The following PCBP3 variants were observed in gnomAD, a reference collection of about 807,000 sequenced individuals.
The protein encoded by PCBP3 is poly(rC)-binding protein 3.
Under a neutral mutation model 52.7 loss-of-function variants are expected in PCBP3, and 25 were observed. That is an observed-to-expected ratio of 0.47 (90% CI 0.35 to 0.66). The LOEUF is 0.66. Ranked by LOEUF, PCBP3 falls within the 30% of genes least tolerant of loss-of-function variation. The pLI, the probability that PCBP3 is intolerant of heterozygous loss-of-function variation, is 0.01. For synonymous variants in PCBP3, 162 were observed against 183.0 expected (o/e 0.89, Z 0.93); for missense variants, 391 against 490.3 (o/e 0.80, Z 1.91).
chr21:45,787,552 T>A (rs1325946370), intron 4 of PCBP3, among the ~76,000 whole-genome samples: 2 of 152,202 alleles, frequency 1.3e-5, no homozygotes, highest in African/African-American at 4.8e-5. Context: ...CCGCTGTGCC[T>A]GGCCTCATCC....
At chr21:45,901,740 C>CAGAGAGAGACAGAGAGATGAGAGAGAGAG (rs1569474803) in intron 9 of PCBP3, 3 of 78,230 alleles carry the variant, frequency 3.8e-5, no homozygotes, top group African/African-American at 2.1e-4. Flanking sequence ...GAGAGAGAGA[C>CAGAGAGAGACAGAGAGATGAGAGAGAGAG]AGAAAGAGAG....
intron 2 of PCBP3, among the ~76,000 whole-genome samples, chr21:45,729,628 T>C (rs1389759174): frequency 6.6e-6 from 1 of 152,218 alleles, no homozygotes; most frequent in Non-Finnish European, 1.5e-5. Flanking sequence ...CCTAATTGTC[T>C]TCATAATATC....
rs149132039 is a variant in PCBP3 at position 45,885,243 on chromosome 21, G to A, written c.11-10965G>A. On this transcript the variant is annotated intron_variant, in intron 5 of 17. Transcript: ENST00000681687. ...CGTCCTCCTGGCCTCCGTGCTTCTC[G>A]CCTGAAATCCACGCCATCCATTGTC... is the stretch of plus-strand genomic sequence containing the variant. Among the ~76,000 whole-genome samples the A allele has an allele frequency of 2.1e-4, 32 of 152,128 alleles. 1 individual carries two copies. In the East Asian group the frequency reaches 5.4e-3, roughly 26 times the overall value.
At chr21:45,669,329 T>C (rs1231304728) in intron 2 of PCBP3, among the ~76,000 whole-genome samples, 3 of 152,178 alleles carry the variant, frequency 2.0e-5, no homozygotes, top group Admixed American at 6.5e-5. Flanking sequence ...TTATAACTTT[T>C]CAGTTTTAGA....
intron 4 of PCBP3, among the ~76,000 whole-genome samples, chr21:45,814,676 GAGTGGT>G: frequency 1.5e-5 from 2 of 135,144 alleles, no homozygotes; most frequent in African/African-American, 2.8e-5. Context: ...GATGAGTGGT[GAGTGGT>G]GAGTGAGTGG....
chr21:45,675,366 G>C (rs1302302067), intron 2 of PCBP3, among the ~76,000 whole-genome samples: 1 of 152,160 alleles, frequency 6.6e-6, no homozygotes, highest in African/African-American at 2.4e-5. Context: ...CAGACAGGCA[G>C]GTACCACCTA....
chr21:45,669,805 G>GTATATATA (rs773020402), intron 2 of PCBP3, among the ~76,000 whole-genome samples: 11 of 49,708 alleles, frequency 2.2e-4, no homozygotes, highest in Non-Finnish European at 3.1e-4. Context: ...GTGTGTGTGT[G>GTATATATA]TATATATATA....
rs2096286911 is a variant in PCBP3 at position 45,909,638 on chromosome 21, G to C, written c.471+152G>C. On this transcript the variant is annotated intron_variant, in intron 10 of 17. Transcript: ENST00000681687. Reference sequence around the variant, plus strand: ...ACCCCACAGCTCAAAGTGCGAGACAGGAACACAGGACCCATGAGCAAGCAC... The same window carrying C: ...ACCCCACAGCTCAAAGTGCGAGACACGAACACAGGACCCATGAGCAAGCAC... 5.6e-6 allele frequency: 4 copies of C among 711,294 alleles called. No homozygotes were observed. In the Admixed American group the frequency reaches 1.1e-4, roughly 19 times the overall value. 44.1% of individuals were successfully genotyped at this position (711,294 alleles called of 1,614,324 possible). A position where few individuals can be genotyped will look rare whatever the true frequency, so the allele number is the denominator to read the frequency against.
chr21:45,765,389 T>TC (rs2089209727), intron 4 of PCBP3, among the ~76,000 whole-genome samples: 2 of 152,188 alleles, frequency 1.3e-5, no homozygotes, highest in Non-Finnish European at 2.9e-5. Flanking sequence ...AAAATTATGG[T>TC]CCTGAAGTGA....
intron 5 of PCBP3, among the ~76,000 whole-genome samples, chr21:45,883,990 T>G (rs541189620): frequency 6.6e-6 from 1 of 152,206 alleles, no homozygotes; most frequent in Non-Finnish European, 1.5e-5. Context: ...CAGGCTGGAG[T>G]GCAGTAGTGT....
intron 5 of PCBP3, among the ~76,000 whole-genome samples, chr21:45,856,424 A>T (rs1279726656): frequency 6.6e-6 from 1 of 152,138 alleles, no homozygotes; most frequent in Non-Finnish European, 1.5e-5. Flanking sequence ...CCCTACCCAC[A>T]TCTCACATGG....
intron 15 of PCBP3, 75 bp downstream of exon 15, chr21:45,930,920 G>T: frequency 1.9e-6 from 3 of 1,587,566 alleles, no homozygotes; most frequent in Non-Finnish European, 2.6e-6. Flanking sequence ...AGGTGTGGGG[G>T]CCCTGCCGCT....
intron 4 of PCBP3, among the ~76,000 whole-genome samples, chr21:45,811,182 GC>G (rs1290848063): frequency 6.6e-6 from 1 of 151,974 alleles, no homozygotes; most frequent in South Asian, 2.1e-4. Context: ...GCTACATGTG[GC>G]CACCTTCCAA....
intron 1 of PCBP3, among the ~76,000 whole-genome samples, chr21:45,655,171 G>C (rs1054252255): frequency 1.3e-5 from 2 of 152,080 alleles, no homozygotes; most frequent in Non-Finnish European, 2.9e-5. Context: ...ATGAACAGTA[G>C]TACGAGTTTT....
chr21:45,907,693 G>T (rs1367722926), intron 9 of PCBP3, among the ~76,000 whole-genome samples: 1 of 151,874 alleles, frequency 6.6e-6, no homozygotes, highest in Non-Finnish European at 1.5e-5. Flanking sequence ...ATCTGTAAGT[G>T]TGGCTCTGAA....
chr21:45,772,516 A>C (rs1430696527), intron 4 of PCBP3, among the ~76,000 whole-genome samples: 1 of 152,178 alleles, frequency 6.6e-6, no homozygotes, highest in East Asian at 1.9e-4. Flanking sequence ...ATAGTACTGC[A>C]ATAAACATAG....
rs544491251 is a variant in PCBP3 at position 45,693,133 on chromosome 21, G to A, written c.-200+24181G>A. Among the ~76,000 whole-genome samples, 6 of 152,016 alleles carry A rather than the reference G, an allele frequency of 3.9e-5. No individual in the cohort carries two copies. The South Asian group carries it at 6.2e-4, about 16-fold the overall frequency. Reference sequence around the variant, plus strand: ...TAAATTAGGAACATACAATAATTTCGTCAACCTGATAAAGGGCATCTATAA... The same window carrying A: ...TAAATTAGGAACATACAATAATTTCATCAACCTGATAAAGGGCATCTATAA... On this transcript the variant is annotated intron_variant, in intron 2 of 17. Coordinates refer to ENST00000681687, the MANE Select transcript of PCBP3 (RefSeq NM_001384156.1).
chr21:45,878,620 G>C (rs1425509141), intron 5 of PCBP3, among the ~76,000 whole-genome samples: 1 of 152,236 alleles, frequency 6.6e-6, no homozygotes, highest in Non-Finnish European at 1.5e-5. Flanking sequence ...CGGTGCAGAA[G>C]CTCTCAGAAC....
chr21:45,900,149 T>C (rs1470085898), intron 7 of PCBP3, among the ~76,000 whole-genome samples: 1 of 152,158 alleles, frequency 6.6e-6, no homozygotes, highest in African/African-American at 2.4e-5. Flanking sequence ...AGTCCCACCA[T>C]GGGGGCGCCT....
Sources: allele counts gnomAD v4.1 joint callset (sites outside exome capture counted in the v4.1 genomes callset), GRCh38; gene constraint gnomAD v4.1.1; transcripts MANE v1.5; gene names NCBI Gene and HGNC (gene_info 2026-07-23, HGNC 2026-07-21).